Variants in NSUN6 observed in about 807,000 individuals in gnomAD.
NSUN6 encodes the protein tRNA (cytosine(72)-C(5))-methyltransferase NSUN6.
NSUN6 carries 64 observed loss-of-function variants against 58.0 expected under a neutral mutation model. The ratio of observed to expected loss-of-function variants is 1.10; its 90% confidence interval spans 0.90 to 1.36. The LOEUF (loss-of-function observed/expected upper bound fraction) is 1.36, where lower values mean the gene tolerates loss of function less well. Ranked by LOEUF, NSUN6 falls within the 40% of genes most tolerant of loss-of-function variation. The pLI is 0.00. For missense variants in NSUN6, 701 were observed against 550.1 expected, an observed-to-expected ratio of 1.27 and a Z score of -2.74; for synonymous variants, 231 against 193.9, an observed-to-expected ratio of 1.19 and a Z score of -1.59.
At chr10:18,557,283 G>A (rs2055101671) in intron 8 of NSUN6, among the ~76,000 whole-genome samples, 1 of 151,498 alleles carries the variant, frequency 6.6e-6, no homozygotes, top group Non-Finnish European at 1.5e-5. Flanking sequence ...GCTATGGAAT[G>A]CAGTGGAGAG....
chr10:18,625,639 G>A (rs1195494213), intron 3 of NSUN6, among the ~76,000 whole-genome samples: 1 of 149,500 alleles, frequency 6.7e-6, no homozygotes, highest in Non-Finnish European at 1.5e-5. Context: ...CTTGAATCCG[G>A]GACGCAAAAG....
chr10:18,599,189 C>T (rs758898366), intron 6 of NSUN6, among the ~76,000 whole-genome samples: 10 of 152,134 alleles, frequency 6.6e-5, no homozygotes, highest in Non-Finnish European at 1.3e-4. Flanking sequence ...AGGCGTGTGC[C>T]ACCACACCTG....
Position 18,569,024 on chromosome 10 carries a change from T to A in NSUN6, c.922+16925A>T, listed in dbSNP as rs184272498. 1.1e-3 allele frequency among the ~76,000 whole-genome samples: 173 copies of A among 151,152 alleles called. 1 individual carries two copies. The highest frequency in any genetic ancestry group is 2.0e-3 in the Non-Finnish European group (135 of 67,454). ...CCTTTCCATTATATTCTCCCTTCCA[T>A]TACATTCTCTATTCAATTCCATTCC... On this transcript the variant is annotated intron_variant, in intron 8 of 10. Transcript: ENST00000377304.
At chr10:18,575,256 A>G (rs537167532) in intron 8 of NSUN6, among the ~76,000 whole-genome samples, 1 of 152,322 alleles carries the variant, frequency 6.6e-6, no homozygotes, top group Admixed American at 6.5e-5. Flanking sequence ...TTAGTATATA[A>G]GAAAACTAAG....
intron 8 of NSUN6, among the ~76,000 whole-genome samples, chr10:18,579,454 G>A (rs956446879): frequency 7.2e-5 from 11 of 152,226 alleles, no homozygotes; most frequent in Admixed American, 5.9e-4. Flanking sequence ...ACATGCGTGA[G>A]CCACGTCGCC....
intron 3 of NSUN6, among the ~76,000 whole-genome samples, chr10:18,632,484 G>T: frequency 6.7e-6 from 1 of 148,606 alleles, no homozygotes; most frequent in Non-Finnish European, 1.5e-5. Context: ...CAAAATGGGA[G>T]AAAATTTTCA....
intron 1 of NSUN6, among the ~76,000 whole-genome samples, chr10:18,650,628 T>C (rs764114304): frequency 2.1e-4 from 32 of 152,240 alleles, no homozygotes; most frequent in Non-Finnish European, 4.1e-4. Flanking sequence ...CTGTGTCAAC[T>C]TGGATCAGTT....
chr10:18,552,584 C>A (rs976803385), intron 8 of NSUN6, among the ~76,000 whole-genome samples: 1 of 151,864 alleles, frequency 6.6e-6, no homozygotes, highest in Non-Finnish European at 1.5e-5. Flanking sequence ...CATATTTGGG[C>A]TGTCTACCTG....
intron 3 of NSUN6, among the ~76,000 whole-genome samples, chr10:18,632,100 G>T (rs892447499): frequency 6.6e-6 from 1 of 150,604 alleles, no homozygotes; most frequent in Non-Finnish European, 1.5e-5. Flanking sequence ...AAATAATGCC[G>T]CATATCTACA....
At chr10:18,630,471 T>C (rs1455332579) in intron 3 of NSUN6, among the ~76,000 whole-genome samples, 2 of 151,934 alleles carry the variant, frequency 1.3e-5, no homozygotes, top group African/African-American at 2.4e-5. Context: ...CAGGAGCTGG[T>C]TTTTTGAAAG....
intron 8 of NSUN6, among the ~76,000 whole-genome samples, chr10:18,575,181 T>C (rs1023701279): frequency 1.3e-5 from 2 of 152,200 alleles, no homozygotes; most frequent in African/African-American, 2.4e-5. Flanking sequence ...ATGTGTGACA[T>C]AATTCTCAGA....
intron 7 of NSUN6, among the ~76,000 whole-genome samples, chr10:18,594,385 G>A (rs2057499943): frequency 6.6e-6 from 1 of 151,654 alleles, no homozygotes; most frequent in Non-Finnish European, 1.5e-5. Flanking sequence ...CAGACAATTT[G>A]TAAATATTCC....
At chr10:18,616,134 G>T (rs1281466229) in intron 4 of NSUN6, 50 bp downstream of exon 4, 1 of 1,030,756 alleles carries the variant, frequency 9.7e-7, no homozygotes, top group Non-Finnish European at 1.5e-6. Flanking sequence ...ATTTGAAAAT[G>T]CACATAAATT....
intron 3 of NSUN6, among the ~76,000 whole-genome samples, chr10:18,630,070 C>A (rs1245147433): frequency 1.4e-5 from 2 of 144,678 alleles, no homozygotes; most frequent in Admixed American, 7.0e-5. Context: ...GACCACAGTG[C>A]AATCAAACTA....
intron 8 of NSUN6, among the ~76,000 whole-genome samples, chr10:18,575,910 GT>G (rs1170879332): frequency 1.3e-5 from 2 of 152,092 alleles, no homozygotes; most frequent in African/African-American, 4.8e-5. Context: ...TGTCCTTAGA[GT>G]TCCGGGTGCA....
rs183022267 is a variant in NSUN6 at position 18,611,853 on chromosome 10, G to A, written c.576-1927C>T. 7.9e-4 allele frequency among the ~76,000 whole-genome samples: 121 copies of A among 152,248 alleles called. 1 individual carries two copies. Among genetic ancestry groups the A allele is most frequent in the Admixed American group, 2.1e-3 (32 of 15,292 alleles). On this transcript the variant is annotated intron_variant, in intron 5 of 10. Transcript: ENST00000377304. Reference sequence around the variant, plus strand: ...CCGGAGTTCCTGGAATAACGGGTATGAGCCACCATGCCTGGCGCCCTCAGT... The same window carrying A: ...CCGGAGTTCCTGGAATAACGGGTATAAGCCACCATGCCTGGCGCCCTCAGT...
At chr10:18,636,646 C>T (rs567293237) in intron 3 of NSUN6, among the ~76,000 whole-genome samples, 5 of 152,266 alleles carry the variant, frequency 3.3e-5, no homozygotes, top group African/African-American at 9.6e-5. Flanking sequence ...GTAATCCCAG[C>T]ACTTTGGGAG....
chr10:18,650,728 A>C (rs948730782), intron 1 of NSUN6, among the ~76,000 whole-genome samples: 2 of 152,224 alleles, frequency 1.3e-5, no homozygotes, highest in African/African-American at 4.8e-5. Flanking sequence ...AAAGATGCAA[A>C]TCTCCTAGCA....
chr10:18,603,802 G>C (rs576409238), intron 6 of NSUN6, among the ~76,000 whole-genome samples: 3 of 152,180 alleles, frequency 2.0e-5, no homozygotes, highest in Non-Finnish European at 2.9e-5. Flanking sequence ...TATAACAACA[G>C]TAAAATGAAA....
Sources: allele counts gnomAD v4.1 joint callset (sites outside exome capture counted in the v4.1 genomes callset), GRCh38; gene constraint gnomAD v4.1.1; transcripts MANE v1.5; gene names NCBI Gene and HGNC (gene_info 2026-07-23, HGNC 2026-07-21).